MEP1A: variants seen among roughly 807,000 people sequenced by gnomAD.
MEP1A encodes the protein meprin A subunit alpha, also known as N-benzoyl-L-tyrosyl-P-amino-benzoic acid hydrolase subunit alpha.
A neutral mutation model predicts 84.5 loss-of-function variants in MEP1A; 68 were observed. The observed-to-expected ratio is 0.80, with a 90% CI of 0.66 to 0.98. The LOEUF is 0.98. Among genes scored for constraint, MEP1A ranks in the 50% least tolerant of loss-of-function variants. The pLI is 0.00. For missense variants in MEP1A, 887 were observed against 919.9 expected (o/e 0.96, Z 0.46); for synonymous variants, 337 against 336.8 (o/e 1.00, Z -0.01).
At chr6:46,837,325 G>T (rs1349124248) in intron 13 of MEP1A, among the ~76,000 whole-genome samples, 1 of 152,106 alleles carries the variant, frequency 6.6e-6, no homozygotes, top group East Asian at 1.9e-4. Flanking sequence ...TGCTTCTATT[G>T]TCCCAGCTTT....
intron 9 of MEP1A, among the ~76,000 whole-genome samples, chr6:46,828,851 C>CT (rs1419147668): frequency 2.0e-5 from 3 of 152,030 alleles, no homozygotes; most frequent in African/African-American, 4.8e-5. Flanking sequence ...GTAAAGATTA[C>CT]TTTTTTGCCA....
intron 13 of MEP1A, 110 bp from the exon 14 acceptor site, chr6:46,838,870 G>A: frequency 3.3e-6 from 3 of 896,618 alleles, no homozygotes; most frequent in South Asian, 3.4e-5. Flanking sequence ...GCACCACGTG[G>A]ACCTGCTCAG....
intron 7 of MEP1A, among the ~76,000 whole-genome samples, chr6:46,822,299 A>T (rs1002594159): frequency 6.6e-6 from 1 of 152,164 alleles, no homozygotes; most frequent in Non-Finnish European, 1.5e-5. Flanking sequence ...AGGTTTGCTG[A>T]CTGATCCCTG....
At chr6:46,832,387 C>T (rs1371697395) in intron 10 of MEP1A, among the ~76,000 whole-genome samples, 2 of 152,216 alleles carry the variant, frequency 1.3e-5, no homozygotes, top group Admixed American at 6.5e-5. Flanking sequence ...ACCATCTTTC[C>T]TCAGCTCTTA....
chr6:46,813,041 C>A (rs776951998), intron 6 of MEP1A, among the ~76,000 whole-genome samples: 1 of 152,014 alleles, frequency 6.6e-6, no homozygotes, highest in Non-Finnish European at 1.5e-5. Flanking sequence ...GTCTTGATGA[C>A]CTGTCTAGTG....
intron 10 of MEP1A, among the ~76,000 whole-genome samples, chr6:46,831,247 G>C (rs1003322566): frequency 6.6e-6 from 1 of 152,112 alleles, no homozygotes; most frequent in African/African-American, 2.4e-5. Context: ...AATTTGAATA[G>C]CTTTTAAGTT....
chr6:46,823,520 G>T (rs1158433703), intron 7 of MEP1A, among the ~76,000 whole-genome samples: 2 of 152,208 alleles, frequency 1.3e-5, no homozygotes, highest in African/African-American at 4.8e-5. Flanking sequence ...GCTGAGGCAG[G>T]AGAATTGTTT....
At chr6:46,844,698 T>A (rs1444937140), downstream of MEP1A, among the ~76,000 whole-genome samples, 2 of 152,182 alleles carry the variant, frequency 1.3e-5, no homozygotes, top group Non-Finnish European at 2.9e-5. Context: ...GTCACCAACA[T>A]CCATTCTTCT....
intron 6 of MEP1A, among the ~76,000 whole-genome samples, chr6:46,812,383 T>C (rs2150746345): frequency 6.6e-6 from 1 of 152,170 alleles, no homozygotes; most frequent in East Asian, 1.9e-4. Flanking sequence ...TTAATCTCAC[T>C]AATAATCTAT....
chr6:46,800,078 C>T (rs934693302), intron 5 of MEP1A, among the ~76,000 whole-genome samples: 3 of 152,192 alleles, frequency 2.0e-5, no homozygotes, highest in Non-Finnish European at 4.4e-5. Flanking sequence ...TTATTGTTCA[C>T]AGCTATTAGT....
At position 46,809,490 on chromosome 6, in the gene MEP1A, G is replaced by A. The variant is rs1767440099; in HGVS notation, c.333G>A (p.Lys111=). ...GTCTCAAGTCCTGTGTGGATTTCAAGCCCTATGAAGGAGAGAGCTCATATA... is the reference window on the plus strand; with the variant it reads ...GTCTCAAGTCCTGTGTGGATTTCAAACCCTATGAAGGAGAGAGCTCATATA... The part of the protein sequence containing the change: ...MFRLKSCVDF[K]PYEGESSYII... Residue 111 remains lysine, a synonymous_variant, in exon 6 of 14, where the codon AAG becomes AAA. Transcript: ENST00000230588. 1 of 1,610,418 alleles carries A rather than the reference G, an allele frequency of 6.2e-7. No individual in the cohort carries two copies. The highest frequency in any genetic ancestry group is 8.5e-7 in the Non-Finnish European group (1 of 1,177,790).
Position 46,822,842 on chromosome 6 carries a change from G to A in MEP1A, c.557-2430G>A, listed in dbSNP as rs1191228161. ...TTACAGGTGTGAACCACCGTGCCCA[G>A]CCTCTAATCAGATGGTTTTATGGAA... On this transcript the variant is annotated intron_variant, in intron 7 of 13. Transcript: ENST00000230588. Among the ~76,000 whole-genome samples the A allele has an allele frequency of 3.3e-5, 5 of 152,176 alleles. No individual in the cohort carries two copies. In the East Asian group the frequency reaches 9.6e-4, roughly 29 times the overall value.
chr6:46,839,078 G>A lies in MEP1A; in HGVS notation c.2183G>A (p.Gly728Asp). 2 of 1,613,608 alleles carry A rather than the reference G, an allele frequency of 1.2e-6. No homozygotes were observed. The highest frequency in any genetic ancestry group is 1.3e-5 in the African/African-American group (1 of 75,030). Residue 728 changes from glycine (G) to aspartate (D), a missense_variant, in exon 14 of 14, where the codon GGC (glycine) becomes GAC (aspartate). Transcript: ENST00000230588. ...GGCATGGTGATCGGAGGCACGGCTG[G>A]CGTGATCTTCTTGACCTTCTCCATC... ...VLGMVIGGTA[G>D]VIFLTFSIIA...
chr6:46,834,767 TTCCTGAGTAAATAA>T lies in MEP1A; in HGVS notation c.1783+21_1783+34del, dbSNP rs199851797. On this transcript the variant is annotated intron_variant, in intron 12 of 13. Transcript: ENST00000230588. ...GACTTTGAAGGTACTTTTGTTGGTC[TTCCTGAGTAAATAA>T]TCCTATGCTCTTGGCACTCTACTGA... is the stretch of plus-strand genomic sequence containing the variant. 0.02 allele frequency: 31,826 copies of T among 1,597,164 alleles called. 396 individuals carry two copies. The highest frequency in any genetic ancestry group is 0.056 in the Middle Eastern group (245 of 4,404).
intron 7 of MEP1A, among the ~76,000 whole-genome samples, chr6:46,821,970 A>G (rs1169127415): frequency 6.6e-6 from 1 of 152,250 alleles, no homozygotes; most frequent in African/African-American, 2.4e-5. Flanking sequence ...ACTTTGGTCA[A>G]TAACAAGCTT....
At chr6:46,819,781 T>A (rs371948147) in intron 7 of MEP1A, 77 bp downstream of exon 7, 3 of 1,464,240 alleles carry the variant, frequency 2.0e-6, no homozygotes, top group Admixed American at 3.7e-5. Flanking sequence ...CAAATCTGTG[T>A]GGACAGGAGC....
At chr6:46,824,907 T>A (rs577364649) in intron 7 of MEP1A, among the ~76,000 whole-genome samples, 1 of 89,862 alleles carries the variant, frequency 1.1e-5, no homozygotes, top group Non-Finnish European at 2.0e-5. Context: ...ATATATAAAT[T>A]ATATATTTAA....
chr6:46,828,522 T>A (rs1384801191), intron 9 of MEP1A, among the ~76,000 whole-genome samples: 5 of 152,162 alleles, frequency 3.3e-5, no homozygotes, highest in Admixed American at 3.3e-4. Flanking sequence ...ATTTTTATCT[T>A]GTGAAATGTT....
rs58902344 is a variant in MEP1A, at chr6:46,834,435, A to ATATT, written c.1610-97_1610-94dup. The ATATT allele has an allele frequency of 8.9e-3, 1,796 of 201,448 alleles. 17 individuals carry two copies. Among genetic ancestry groups the ATATT allele is most frequent in the East Asian group, 0.012 (93 of 7,730 alleles). The allele number at this position is 201,448 out of a possible 1,614,324, so 12.5% of individuals were successfully genotyped here. A position where few individuals can be genotyped will look rare whatever the true frequency, so the allele number is the denominator to read the frequency against. ...TTTTTCCAACACTTTTTTTATTTTT[A>ATATT]TATTTATTTATTTATTTATTTATTT... On this transcript the variant is annotated intron_variant, in intron 11 of 13. Transcript: ENST00000230588.
Sources: gnomAD v4.1 joint callset for allele counts (sites outside exome capture counted in the v4.1 genomes callset) on GRCh38, gnomAD v4.1.1 for gene constraint, MANE v1.5 for transcripts, NCBI Gene and HGNC (gene_info 2026-07-23, HGNC 2026-07-21) for gene names.